The following NCKAP5 variants were observed in gnomAD, a reference collection of about 807,000 sequenced individuals.
NCKAP5 encodes the protein nck-associated protein 5.
A neutral mutation model predicts 167.0 loss-of-function variants in NCKAP5; 92 were observed. The ratio of observed to expected loss-of-function variants is 0.55; its 90% CI spans 0.47 to 0.66. The LOEUF (loss-of-function observed/expected upper bound fraction) is 0.66. NCKAP5 is among the 30% of genes least tolerant of loss of function. The probability of loss-of-function intolerance (pLI) is 0.00; values close to 1 mark genes in which losing one functional copy is unlikely to be tolerated. For missense variants in NCKAP5, 2,378 were observed against 2,315.0 expected (o/e 1.03, Z -0.56); for synonymous variants, 891 against 877.4 (o/e 1.02, Z -0.27).
chr2:133,450,682 C>T lies in NCKAP5; in HGVS notation c.69+66776G>A, dbSNP rs926283979. On this transcript the variant is annotated intron_variant, in intron 3 of 19. Transcript: ENST00000409261. The stretch of plus-strand genomic sequence containing the variant: ...AATGGGATATACATGGTTCTATTCT[C>T]TTTATTCATACTATCAACCAAAAAC... Among the ~76,000 whole-genome samples the T allele has an allele frequency of 6.6e-5, 10 of 152,156 alleles. 3 individuals carry two copies. The highest frequency in any genetic ancestry group is 6.5e-4 in the Admixed American group (10 of 15,278).
At chr2:133,342,442 G>A (rs1056670168) in intron 3 of NCKAP5, among the ~76,000 whole-genome samples, 3 of 152,130 alleles carry the variant, frequency 2.0e-5, no homozygotes, top group African/African-American at 7.2e-5. Context: ...AGGAGACAAG[G>A]CTACTCCCAA....
intron 19 of NCKAP5, among the ~76,000 whole-genome samples, chr2:132,688,688 T>C (rs1470049454): frequency 2.0e-5 from 3 of 152,096 alleles, no homozygotes; most frequent in Non-Finnish European, 4.4e-5. Flanking sequence ...GCAAAACACA[T>C]GATTTGGCTC....
chr2:133,170,961 T>C (rs879771964), intron 5 of NCKAP5, among the ~76,000 whole-genome samples: 3 of 152,164 alleles, frequency 2.0e-5, no homozygotes, highest in Non-Finnish European at 2.9e-5. Flanking sequence ...TCTAATAAAC[T>C]GATCTAGTAT....
chr2:132,725,825 G>A, intron 18 of NCKAP5, 66 bp from the exon 19 acceptor site: 2 of 1,508,244 alleles, frequency 1.3e-6, no homozygotes, highest in African/African-American at 1.4e-5. Flanking sequence ...AGCATCCTGT[G>A]AGGATGCGAC....
At chr2:133,625,951 C>T in the NCKAP5 span, among the ~76,000 whole-genome samples, 1 of 151,690 alleles carries the variant, frequency 6.6e-6, no homozygotes, top group African/African-American at 2.4e-5. Context: ...CATAATAACA[C>T]TAAAAATTTT....
At chr2:133,144,547 C>T (rs2083116478) in intron 5 of NCKAP5, among the ~76,000 whole-genome samples, 2 of 152,048 alleles carry the variant, frequency 1.3e-5, no homozygotes, top group East Asian at 1.9e-4. Context: ...GAAACCTCTT[C>T]CCCGAAACTT....
intron 5 of NCKAP5, among the ~76,000 whole-genome samples, chr2:133,144,181 G>A (rs1034193082): frequency 1.3e-5 from 2 of 152,076 alleles, no homozygotes; most frequent in African/African-American, 4.8e-5. Flanking sequence ...GCAGGGGTTG[G>A]CAAGTTTTTC....
At chr2:133,415,115 A>G (rs1445093277) in intron 3 of NCKAP5, among the ~76,000 whole-genome samples, 1 of 152,192 alleles carries the variant, frequency 6.6e-6, no homozygotes, top group Non-Finnish European at 1.5e-5. Flanking sequence ...AGGTTAGCTC[A>G]ACCCCATTGC....
At chr2:132,933,327 G>A (rs1696586228) in intron 8 of NCKAP5, among the ~76,000 whole-genome samples, 2 of 152,216 alleles carry the variant, frequency 1.3e-5, no homozygotes, top group South Asian at 2.1e-4. Flanking sequence ...TCTCCCATTA[G>A]ACCATGAGTG....
intron 11 of NCKAP5, among the ~76,000 whole-genome samples, chr2:132,829,295 A>G (rs1404325799): frequency 6.6e-6 from 1 of 152,152 alleles, no homozygotes; most frequent in Non-Finnish European, 1.5e-5. Flanking sequence ...CGTTATCTGT[A>G]AGATGGGAGC....
At chr2:132,842,282 C>A (rs2105429510) in intron 11 of NCKAP5, among the ~76,000 whole-genome samples, 1 of 151,640 alleles carries the variant, frequency 6.6e-6, no homozygotes, top group African/African-American at 2.4e-5. Flanking sequence ...TATGATTTTT[C>A]TCCCTCATTC....
chr2:132,730,697 C>T (rs1156967039), intron 17 of NCKAP5, among the ~76,000 whole-genome samples: 2 of 152,184 alleles, frequency 1.3e-5, no homozygotes, highest in African/African-American at 4.8e-5. Flanking sequence ...TGTGACTATT[C>T]AGGCATGGAG....
chr2:133,599,132 C>A, the NCKAP5 span, among the ~76,000 whole-genome samples: 1 of 152,208 alleles, frequency 6.6e-6, no homozygotes, highest in Non-Finnish European at 1.5e-5. Context: ...AGTACATCTC[C>A]ACAGGTCCTA....
chr2:132,981,663 T>C (rs200927173), intron 7 of NCKAP5, among the ~76,000 whole-genome samples: 2 of 152,144 alleles, frequency 1.3e-5, no homozygotes, highest in East Asian at 3.9e-4. Context: ...AGCTCCTAAA[T>C]CACTTTAGGG....
intron 11 of NCKAP5, among the ~76,000 whole-genome samples, chr2:132,829,119 T>C (rs995156772): frequency 6.6e-6 from 1 of 152,140 alleles, no homozygotes; most frequent in African/African-American, 2.4e-5. Flanking sequence ...ATGAAGAAAA[T>C]GTCAGTCGTG....
chr2:133,620,178 T>C, the NCKAP5 span, among the ~76,000 whole-genome samples: 1 of 6,158 alleles, frequency 1.6e-4, no homozygotes, highest in Non-Finnish European at 6.9e-4. Context: ...AATAACACAA[T>C]GAAAAAAAAA....
intron 4 of NCKAP5, among the ~76,000 whole-genome samples, chr2:133,234,938 C>A (rs2087327849): frequency 7.0e-6 from 1 of 143,802 alleles, no homozygotes; most frequent in African/African-American, 2.5e-5. Context: ...TGTTAATTGG[C>A]CTTAAGACAG....
chr2:132,817,134 T>A (rs532526080), intron 11 of NCKAP5, among the ~76,000 whole-genome samples: 2 of 152,372 alleles, frequency 1.3e-5, no homozygotes, highest in African/African-American at 4.8e-5. Context: ...AAGTACCATG[T>A]AGCCTGCTGC....
chr2:132,771,839 ATT>A lies in NCKAP5; in HGVS notation c.5128+1975_5128+1976del, dbSNP rs70973406. Among the ~76,000 whole-genome samples, 254 of 100,742 alleles carry A rather than the reference ATT, an allele frequency of 2.5e-3. 1 individual carries two copies. Among genetic ancestry groups the A allele is most frequent in the Middle Eastern group, 5.7e-3 (1 of 176 alleles). 66.1% of individuals were successfully genotyped at this position (100,742 alleles called of 152,430 possible). On this transcript the variant is annotated intron_variant, in intron 16 of 19. Coordinates refer to ENST00000409261, the MANE Select transcript of NCKAP5 (RefSeq NM_207363.3). The stretch of plus-strand genomic sequence containing the variant: ...AGGCACCCACAACCACGCCCGGCTA[ATT>A]TTTTTTTTTTTTTTTTTTTTTTTGT...
Sources: allele counts gnomAD v4.1 joint callset (sites outside exome capture counted in the v4.1 genomes callset), GRCh38; gene constraint gnomAD v4.1.1; transcripts MANE v1.5; gene names NCBI Gene and HGNC (gene_info 2026-07-23, HGNC 2026-07-21).